The following LRBA variants were observed in gnomAD, a reference collection of about 807,000 sequenced individuals.
The protein encoded by LRBA is LPS responsive beige-like anchor protein, also known as lipopolysaccharide-responsive and beige-like anchor protein.
A neutral mutation model predicts 330.0 loss-of-function variants in LRBA; 176 were observed. That is an observed-to-expected ratio of 0.53 (90% confidence interval 0.47 to 0.60). LRBA has a LOEUF of 0.60. Among genes scored for constraint, LRBA ranks in the 20% least tolerant of loss-of-function variants. The pLI, the probability that LRBA is intolerant of heterozygous loss-of-function variation, is 0.00. For synonymous variants in LRBA, 1,230 were observed against 1,193.0 expected (o/e 1.03, Z -0.64); for missense variants, 3,259 against 3,444.8 (o/e 0.95, Z 1.35).
In LRBA at chr4:150,771,811, C is replaced by T. The variant is rs544662489; in HGVS notation, c.5581-9964G>A. ...CCTCCATCCCTGCCACCATGGCCAC[C>T]TTGTTCATGAGCTCACTGGGCACTG... On this transcript the variant is annotated intron_variant, in intron 34 of 56. Coordinates refer to ENST00000651943, the MANE Select transcript of LRBA (RefSeq NM_001364905.1). Among the ~76,000 whole-genome samples the T allele has an allele frequency of 4.6e-5, 7 of 152,272 alleles. No homozygotes were observed. In the South Asian group the frequency reaches 1.5e-3, roughly 32 times the overall value.
chr4:150,356,841 C>CAT (rs1025731965), intron 47 of LRBA, among the ~76,000 whole-genome samples: 23 of 151,782 alleles, frequency 1.5e-4, no homozygotes, highest in African/African-American at 4.8e-4. Flanking sequence ...CCTTAATATA[C>CAT]ATATATATAT....
At chr4:150,620,486 T>C (rs536823598) in intron 37 of LRBA, among the ~76,000 whole-genome samples, 49 of 152,228 alleles carry the variant, frequency 3.2e-4, no homozygotes, top group Middle Eastern at 3.4e-3. Context: ...AGTCATTACA[T>C]CAAAAAGACA....
chr4:150,988,996 T>A (rs1406405482), intron 2 of LRBA, among the ~76,000 whole-genome samples: 2 of 151,750 alleles, frequency 1.3e-5, no homozygotes, highest in African/African-American at 2.4e-5. Context: ...AAGTGTTTGT[T>A]TTTTTGTTGT....
rs374925365 is a variant in LRBA, at chr4:150,502,670, G to A, written c.6331-11635C>T. On this transcript the variant is annotated intron_variant, in intron 40 of 56. Coordinates refer to ENST00000651943, the MANE Select transcript of LRBA (RefSeq NM_001364905.1). ...TTTCTGCATTTCCAACTGAGGTACC[G>A]GGTTCATCTCACTGGGGTGTGCCAG... Among the ~76,000 whole-genome samples the A allele has an allele frequency of 9.8e-5, 15 of 152,320 alleles. 1 individual carries two copies. Among genetic ancestry groups the A allele is most frequent in the African/African-American group, 2.9e-4 (12 of 41,572 alleles).
intron 56 of LRBA, among the ~76,000 whole-genome samples, chr4:150,269,826 T>TGGC (rs1306955434): frequency 6.6e-6 from 1 of 151,986 alleles, no homozygotes; most frequent in African/African-American, 2.4e-5. Context: ...ATGCCTGGAG[T>TGGC]ACCAGCTACC....
At chr4:150,899,728 T>C (rs911141448) in intron 14 of LRBA, among the ~76,000 whole-genome samples, 1 of 152,156 alleles carries the variant, frequency 6.6e-6, no homozygotes, top group Non-Finnish European at 1.5e-5. Context: ...ACAATCCATC[T>C]CAGCATCAAT....
intron 38 of LRBA, among the ~76,000 whole-genome samples, chr4:150,594,566 A>G (rs910585104): frequency 3.9e-5 from 6 of 152,086 alleles, no homozygotes; most frequent in Non-Finnish European, 8.8e-5. Context: ...AATTGTTACT[A>G]ACATGATTGC....
At chr4:150,760,136 T>C (rs1214646628) in intron 35 of LRBA, among the ~76,000 whole-genome samples, 1 of 152,154 alleles carries the variant, frequency 6.6e-6, no homozygotes, top group East Asian at 1.9e-4. Flanking sequence ...CACCTCTTTT[T>C]CCATATATAA....
At chr4:150,343,953 G>A (rs145661835) in intron 48 of LRBA, among the ~76,000 whole-genome samples, 4 of 152,054 alleles carry the variant, frequency 2.6e-5, no homozygotes, top group South Asian at 2.1e-4. Flanking sequence ...CATGCTATCC[G>A]TCTACTCTCC....
intron 20 of LRBA, among the ~76,000 whole-genome samples, chr4:150,870,266 GAA>G (rs1171408111): frequency 6.6e-6 from 1 of 152,156 alleles, no homozygotes; most frequent in Non-Finnish European, 1.5e-5. Context: ...AAATTTTGCT[GAA>G]AGTCTGAACA....
intron 53 of LRBA, among the ~76,000 whole-genome samples, chr4:150,292,703 G>C (rs924302052): frequency 5.3e-5 from 8 of 152,142 alleles, no homozygotes; most frequent in Admixed American, 1.3e-4. Flanking sequence ...ATAAGGAAAG[G>C]AGTAAAACAC....
intron 2 of LRBA, among the ~76,000 whole-genome samples, chr4:151,010,480 G>A (rs940290218): frequency 5.3e-5 from 8 of 152,132 alleles, no homozygotes; most frequent in African/African-American, 1.7e-4. Context: ...AAATTTATCT[G>A]CAAAACAGAT....
intron 48 of LRBA, among the ~76,000 whole-genome samples, chr4:150,329,304 G>A (rs1733692179): frequency 6.6e-6 from 1 of 152,156 alleles, no homozygotes; most frequent in Non-Finnish European, 1.5e-5. Context: ...TATAGAATAA[G>A]ATTGTAAGGT....
At chr4:150,725,896 C>A (rs1254587242) in intron 36 of LRBA, among the ~76,000 whole-genome samples, 2 of 152,108 alleles carry the variant, frequency 1.3e-5, no homozygotes, top group Non-Finnish European at 2.9e-5. Context: ...TTTCTTTATG[C>A]AATCAGTGTG....
In LRBA at chr4:150,292,040, A is replaced by G. The variant is rs141282792; in HGVS notation, c.8018-6006T>C. Among the ~76,000 whole-genome samples the G allele has an allele frequency of 8.7e-4, 132 of 152,330 alleles. 2 individuals carry two copies. In the East Asian group the frequency reaches 0.018, roughly 21 times the overall value. ...TTGAACAATGGACTTATGTTTTAAA[A>G]CATTAGGTGAAATATTTTAACACCA... On this transcript the variant is annotated intron_variant, in intron 53 of 56. Coordinates refer to ENST00000651943, the MANE Select transcript of LRBA (RefSeq NM_001364905.1).
At chr4:150,673,547 A>G (rs965104768) in intron 37 of LRBA, among the ~76,000 whole-genome samples, 35 of 152,178 alleles carry the variant, frequency 2.3e-4, no homozygotes, top group African/African-American at 8.0e-4. Flanking sequence ...TCCTACATCT[A>G]AATTTCCCAC....
At chr4:150,992,703 T>C (rs911904047) in intron 2 of LRBA, among the ~76,000 whole-genome samples, 13 of 152,166 alleles carry the variant, frequency 8.5e-5, no homozygotes, top group Admixed American at 3.3e-4. Flanking sequence ...TTAAGGTTAA[T>C]TGAAATTTCT....
intron 40 of LRBA, among the ~76,000 whole-genome samples, chr4:150,568,508 T>C (rs750672420): frequency 6.6e-5 from 10 of 152,158 alleles, no homozygotes; most frequent in Non-Finnish European, 1.3e-4. Context: ...AGGCAGCACG[T>C]AAGTGGTGGT....
At chr4:150,567,606 A>C (rs1304197823) in intron 40 of LRBA, among the ~76,000 whole-genome samples, 3 of 152,216 alleles carry the variant, frequency 2.0e-5, no homozygotes, top group Non-Finnish European at 4.4e-5. Flanking sequence ...ATAAGTCATT[A>C]TAGATTTGTT....
Sources: allele counts gnomAD v4.1 joint callset (sites outside exome capture counted in the v4.1 genomes callset), GRCh38; gene constraint gnomAD v4.1.1; transcripts MANE v1.5; gene names NCBI Gene and HGNC (gene_info 2026-07-23, HGNC 2026-07-21).